Variants in PSMD1 observed in about 807,000 individuals in gnomAD.
PSMD1 encodes proteasome 26S subunit, non-ATPase 1.
In PSMD1, 18 loss-of-function variants were observed where a neutral mutation model predicts 119.0. The ratio of observed to expected loss-of-function variants is 0.15; its 90% CI spans 0.10 to 0.22. PSMD1 has a LOEUF of 0.22. Ranked by LOEUF, PSMD1 falls within the 10% of genes least tolerant of loss-of-function variation. PSMD1 has a pLI of 1.00. For synonymous variants in PSMD1, 374 were observed against 396.6 expected (o/e 0.94, Z 0.68); for missense variants, 702 against 1,158.5 (o/e 0.61, Z 5.72).
At chr2:231,057,831 G>A (rs1435905970) in intron 1 of PSMD1, among the ~76,000 whole-genome samples, 1 of 152,230 alleles carries the variant, frequency 6.6e-6, no homozygotes, top group Non-Finnish European at 1.5e-5. Context: ...TAAGCTCCCC[G>A]TTACAGATTG....
intron 12 of PSMD1, among the ~76,000 whole-genome samples, chr2:231,081,419 G>T (rs756968488): frequency 2.6e-5 from 4 of 152,184 alleles, no homozygotes; most frequent in Non-Finnish European, 4.4e-5. Context: ...AAAGGCTGAT[G>T]AACTAGTTCT....
intron 5 of PSMD1, among the ~76,000 whole-genome samples, chr2:231,067,750 G>A (rs1215782393): frequency 6.6e-6 from 1 of 152,086 alleles, no homozygotes; most frequent in Non-Finnish European, 1.5e-5. Flanking sequence ...TCTGCCTCCG[G>A]GGTTCAAGCA....
At position 231,109,288 on chromosome 2, in the gene PSMD1, G is replaced by A. The variant is rs1695076418; in HGVS notation, c.1883+22107G>A. ...TCATAATTGCAAGAGGTGTGAAGAA[G>A]GCAGCCAGTGAGCCAAAGAGCATGA... On this transcript the variant is annotated intron_variant, in intron 16 of 24. Coordinates refer to ENST00000308696, the MANE Select transcript of PSMD1 (RefSeq NM_002807.4). 6 of 1,614,148 alleles carry A rather than the reference G, an allele frequency of 3.7e-6. No homozygotes were observed. In the African/African-American group the frequency reaches 4.0e-5, roughly 11 times the overall value.
rs1450501830 is a variant in PSMD1 at position 231,165,024 on chromosome 2, TTATATATATTTATATATATATATATA to T, written c.2482-166_2482-141del. On this transcript the variant is annotated intron_variant, in intron 21 of 24. Coordinates refer to ENST00000308696, the MANE Select transcript of PSMD1 (RefSeq NM_002807.4). ...TTAGTTTTCCCATTTATTCTTTGAT[TTATATATATTTATATATATATATATA>T]TATATATATATATATATATATATAT... 169 of 139,716 alleles carry T rather than the reference TTATATATATTTATATATATATATATA, an allele frequency of 1.2e-3. 4 individuals carry two copies. The highest frequency in any genetic ancestry group is 3.4e-3 in the East Asian group (16 of 4,696). The allele number at this position is 139,716 out of a possible 1,614,324, so 8.7% of individuals were successfully genotyped here.
At chr2:231,112,160 TA>T (rs1406292291) in intron 16 of PSMD1, among the ~76,000 whole-genome samples, 1 of 152,130 alleles carries the variant, frequency 6.6e-6, no homozygotes, top group Admixed American at 6.5e-5. Context: ...AATATACACA[TA>T]CCTCACACTC....
intron 1 of PSMD1, 111 bp downstream of exon 1, chr2:231,057,152 A>G (rs959847096): frequency 1.5e-6 from 2 of 1,338,994 alleles, no homozygotes; most frequent in African/African-American, 1.6e-5. Context: ...CGGCCTGGGC[A>G]GCTTCTTGCT....
intron 16 of PSMD1, among the ~76,000 whole-genome samples, chr2:231,087,820 C>T (rs959725366): frequency 6.6e-5 from 10 of 151,980 alleles, no homozygotes; most frequent in Non-Finnish European, 1.5e-4. Context: ...AAATTAGCCA[C>T]GTGTGGTGGC....
chr2:231,127,872 C>T (rs142364528), intron 16 of PSMD1, among the ~76,000 whole-genome samples: 2 of 152,228 alleles, frequency 1.3e-5, no homozygotes, highest in African/African-American at 2.4e-5. Context: ...TATTTCCTTT[C>T]CCAAAAGCTT....
At chr2:231,171,082 A>G (rs886952614) in intron 24 of PSMD1, among the ~76,000 whole-genome samples, 7 of 152,202 alleles carry the variant, frequency 4.6e-5, no homozygotes, top group African/African-American at 1.7e-4. Flanking sequence ...GATAGAGCTG[A>G]TTTACATTCT....
intron 18 of PSMD1, among the ~76,000 whole-genome samples, chr2:231,149,034 A>G (rs761850582): frequency 2.6e-5 from 4 of 152,270 alleles, no homozygotes; most frequent in Admixed American, 6.5e-5. Context: ...AAGGAATTCA[A>G]AAGAGAAATT....
intron 19 of PSMD1, among the ~76,000 whole-genome samples, chr2:231,157,546 T>C (rs1696538874): frequency 6.6e-6 from 1 of 151,612 alleles, no homozygotes; most frequent in Non-Finnish European, 1.5e-5. Flanking sequence ...TTTATAACAA[T>C]TTTTGCTTTA....
rs79841888 is a variant in PSMD1, at chr2:231,139,004, C to T, written c.1998+154C>T. 1.7e-3 allele frequency: 1,215 copies of T among 716,528 alleles called. 18 individuals carry two copies. In the African/African-American group the frequency reaches 0.019, roughly 11 times the overall value. 44.4% of individuals were successfully genotyped at this position (716,528 alleles called of 1,614,324 possible). A position where few individuals can be genotyped will look rare whatever the true frequency, so the allele number is the denominator to read the frequency against. On this transcript the variant is annotated intron_variant, in intron 17 of 24. Transcript: ENST00000308696. Reference sequence around the variant, plus strand: ...AGCTTCCCAGTACTCCCTCATTCTGCGATGCTGGATTGCCCAAAGCTGCTT... The same window carrying T: ...AGCTTCCCAGTACTCCCTCATTCTGTGATGCTGGATTGCCCAAAGCTGCTT...
rs77415113 is a variant in PSMD1, at chr2:231,056,955, C to A, written c.-71C>A. 1 of 1,534,754 alleles carries A rather than the reference C, an allele frequency of 6.5e-7. No individual in the cohort carries two copies. Among genetic ancestry groups the A allele is most frequent in the African/African-American group, 1.4e-5 (1 of 71,282 alleles). On this transcript the variant is annotated 5_prime_UTR_variant, in exon 1 of 25. Coordinates refer to ENST00000308696, the MANE Select transcript of PSMD1 (RefSeq NM_002807.4). ...CAAGGAGGCGCGGTGAACTGAGCGG[C>A]CCCTGAGCTGACAGATACACTGCGC...
At chr2:231,143,445 G>C (rs966240142) in intron 17 of PSMD1, among the ~76,000 whole-genome samples, 4 of 152,166 alleles carry the variant, frequency 2.6e-5, no homozygotes, top group African/African-American at 9.7e-5. Flanking sequence ...GGTCAGGCTG[G>C]TCTCGGACTC....
rs376147653 is a variant in PSMD1 at position 231,083,778 on chromosome 2, G to A, written c.1722+15G>A. On this transcript the variant is annotated intron_variant, in intron 14 of 24. Transcript: ENST00000308696. Reference sequence around the variant, plus strand: ...GTCGTGACAAGGTGAGATCACATACGTCCCTCACTGTCCATTTATCTCCAG... The same window carrying A: ...GTCGTGACAAGGTGAGATCACATACATCCCTCACTGTCCATTTATCTCCAG... 8 of 1,611,358 alleles carry A rather than the reference G, an allele frequency of 5.0e-6. No individual in the cohort carries two copies. The highest frequency in any genetic ancestry group is 4.5e-5 in the East Asian group (2 of 44,850).
chr2:231,057,179 C>T lies in PSMD1; in HGVS notation c.16+138C>T, dbSNP rs191603326. The T allele has an allele frequency of 4.2e-4, 457 of 1,094,430 alleles. No homozygotes were observed. In the African/African-American group the frequency reaches 6.1e-3, roughly 15 times the overall value. 67.8% of individuals were successfully genotyped at this position (1,094,430 alleles called of 1,614,324 possible). A position where few individuals can be genotyped will look rare whatever the true frequency, so the allele number is the denominator to read the frequency against. ...CTTCTTGCTGCCCAGGGCCCACCCCCGGGCCGGGGGGCTGGGAGTCTGATC... is the reference window on the plus strand; with the variant it reads ...CTTCTTGCTGCCCAGGGCCCACCCCTGGGCCGGGGGGCTGGGAGTCTGATC... On this transcript the variant is annotated intron_variant, in intron 1 of 24. Coordinates refer to ENST00000308696, the MANE Select transcript of PSMD1 (RefSeq NM_002807.4).
chr2:231,164,429 C>G (rs1205430878), intron 21 of PSMD1, among the ~76,000 whole-genome samples: 1 of 152,152 alleles, frequency 6.6e-6, no homozygotes, highest in Non-Finnish European at 1.5e-5. Flanking sequence ...AAGTTTTACT[C>G]AGTAAAATTA....
At chr2:231,101,443 G>A (rs1342382126) in intron 16 of PSMD1, among the ~76,000 whole-genome samples, 3 of 152,112 alleles carry the variant, frequency 2.0e-5, no homozygotes, top group African/African-American at 4.8e-5. Flanking sequence ...AGATTAGGCT[G>A]TAGAAAAAAA....
chr2:231,095,537 T>C (rs1694702287), intron 16 of PSMD1, among the ~76,000 whole-genome samples: 1 of 152,172 alleles, frequency 6.6e-6, no homozygotes, highest in South Asian at 2.1e-4. Flanking sequence ...GGAACTTCTT[T>C]TCTACTGGGG....
Sources: allele counts gnomAD v4.1 joint callset (sites outside exome capture counted in the v4.1 genomes callset), GRCh38; gene constraint gnomAD v4.1.1; transcripts MANE v1.5; gene names NCBI Gene and HGNC (gene_info 2026-07-23, HGNC 2026-07-21).